The following PRMT8 variants were observed in gnomAD, a reference collection of about 807,000 sequenced individuals.
PRMT8 encodes protein arginine N-methyltransferase 8.
In PRMT8, 7 loss-of-function variants were observed where a neutral mutation model predicts 47.1. The observed-to-expected ratio is 0.15, with a 90% CI of 0.08 to 0.28. PRMT8 has a LOEUF of 0.28. Ranked by LOEUF, PRMT8 falls within the 10% of genes least tolerant of loss-of-function variation. The pLI is 1.00. For missense variants in PRMT8, 237 were observed against 505.4 expected, an observed-to-expected ratio of 0.47 and a Z score of 5.09; for synonymous variants, 188 against 186.5, an observed-to-expected ratio of 1.01 and a Z score of -0.07.
chr12:3,469,893 C>T (rs1264020449), intron 1 of PRMT8, among the ~76,000 whole-genome samples: 1 of 152,070 alleles, frequency 6.6e-6, no homozygotes, highest in East Asian at 1.9e-4. Context: ...GGGCTTCTGT[C>T]AGTGCCACCC....
chr12:3,457,460 G>A (rs1173919211), intron 1 of PRMT8, among the ~76,000 whole-genome samples: 2 of 151,782 alleles, frequency 1.3e-5, no homozygotes, highest in African/African-American at 4.8e-5. Context: ...AGGTGCATGC[G>A]CCACCACATC....
intron 4 of PRMT8, among the ~76,000 whole-genome samples, chr12:3,560,638 C>T (rs866344217): frequency 3.3e-5 from 5 of 152,190 alleles, no homozygotes; most frequent in Non-Finnish European, 5.9e-5. Flanking sequence ...ATGTATAACC[C>T]GTTTACTTCC....
At chr12:3,513,097 C>T (rs1016287041) in intron 1 of PRMT8, among the ~76,000 whole-genome samples, 4 of 152,126 alleles carry the variant, frequency 2.6e-5, no homozygotes, top group South Asian at 2.1e-4. Context: ...AGTTGCTCTG[C>T]GTCTACCATG....
At position 3,569,211 on chromosome 12, in the gene PRMT8, C is replaced by T; in HGVS notation, c.625-266C>T. On this transcript the variant is annotated intron_variant, in intron 5 of 9. Coordinates refer to ENST00000382622, the MANE Select transcript of PRMT8 (RefSeq NM_019854.5). The surrounding 1 kb of genome is among the most constrained non-coding windows in gnomAD (Gnocchi z 8.2). ...GGGCTTCTCCAGGCCAAAGTCGTAA[C>T]ATCTCTCACTGCTCCTCACTGGATT... 6.6e-6 allele frequency among the ~76,000 whole-genome samples: 1 copy of T among 152,242 alleles called. No individual in the cohort carries two copies. The highest frequency in any genetic ancestry group is 1.5e-5 in the Non-Finnish European group (1 of 68,046).
At chr12:3,386,975 TG>T (rs1864146615) in intron 1 of PRMT8, among the ~76,000 whole-genome samples, 1 of 152,184 alleles carries the variant, frequency 6.6e-6, no homozygotes, top group African/African-American at 2.4e-5. Context: ...CCCAAAGTGC[TG>T]GGATTACAGG....
chr12:3,593,476 C>T lies in PRMT8; in HGVS notation c.*294C>T, dbSNP rs551807677. ...GGGTGGAAACGTATTCGCGTCTCCC[C>T]GTCTCCTCCTTAACTGTGACTCTCC... On this transcript the variant is annotated 3_prime_UTR_variant, in exon 10 of 10. Coordinates refer to ENST00000382622, the MANE Select transcript of PRMT8 (RefSeq NM_019854.5). This position sits in a 1 kb window ranked among gnomAD's most constrained non-coding sequence, Gnocchi z 4.8. The T allele has an allele frequency of 9.5e-4, 378 of 399,156 alleles. 2 individuals carry two copies. Among genetic ancestry groups the T allele is most frequent in the Middle Eastern group, 7.9e-3 (11 of 1,388 alleles). The allele number at this position is 399,156 out of a possible 1,614,324, so 24.7% of individuals were successfully genotyped here. A position where few individuals can be genotyped will look rare whatever the true frequency, so the allele number is the denominator to read the frequency against.
chr12:3,481,199 G>C (rs1311372695), intron 1 of PRMT8, among the ~76,000 whole-genome samples: 2 of 152,206 alleles, frequency 1.3e-5, no homozygotes, highest in Non-Finnish European at 2.9e-5. Context: ...TACTATCTGA[G>C]AGCAGCCAGC....
intron 8 of PRMT8, among the ~76,000 whole-genome samples, chr12:3,588,513 A>G (rs780671725): frequency 6.6e-6 from 1 of 151,952 alleles, no homozygotes; most frequent in Non-Finnish European, 1.5e-5. Flanking sequence ...ACTTCTCACT[A>G]TTTGCCTGAA....
chr12:3,506,772 C>T (rs958496139), intron 1 of PRMT8, among the ~76,000 whole-genome samples: 1 of 152,178 alleles, frequency 6.6e-6, no homozygotes, highest in Non-Finnish European at 1.5e-5. Context: ...TCAGGCTTGA[C>T]ACACCACTCA....
chr12:3,572,241 C>CGAAGGAAG lies in PRMT8; in HGVS notation c.712+2693_712+2700dup, dbSNP rs563204054. ...CTAGGCTCACAATACATAATTTTAA[C>CGAAGGAAG]GAAGGAAGGAAGGAAGGAAGGAAAG... On this transcript the variant is annotated intron_variant, in intron 6 of 9. Transcript: ENST00000382622. The surrounding 1 kb of genome is among the most constrained non-coding windows in gnomAD (Gnocchi z 5.9). Among the ~76,000 whole-genome samples, 1 of 151,710 alleles carries CGAAGGAAG rather than the reference C, an allele frequency of 6.6e-6. No individual in the cohort carries two copies. Among genetic ancestry groups the CGAAGGAAG allele is most frequent in the African/African-American group, 2.4e-5 (1 of 41,266 alleles).
chr12:3,458,473 G>T (rs112055437), intron 1 of PRMT8, among the ~76,000 whole-genome samples: 7 of 152,300 alleles, frequency 4.6e-5, no homozygotes, highest in East Asian at 1.9e-4. Context: ...ACACCAGCCT[G>T]CCAGGGCCAC....
At chr12:3,509,672 G>C (rs943995954) in intron 1 of PRMT8, among the ~76,000 whole-genome samples, 4 of 152,190 alleles carry the variant, frequency 2.6e-5, no homozygotes, top group Non-Finnish European at 5.9e-5. Flanking sequence ...ATGAATATTT[G>C]TTGGTCCCGT....
chr12:3,569,588 G>T lies in PRMT8; in HGVS notation c.712+24G>T. ...CTGTAAGTCCCCTCTTGCTTCTCCGGTGGACTTCCACTGCACAATTGGGGT... is the reference window on the plus strand; with the variant it reads ...CTGTAAGTCCCCTCTTGCTTCTCCGTTGGACTTCCACTGCACAATTGGGGT... On this transcript the variant is annotated intron_variant, in intron 6 of 9. Transcript: ENST00000382622. The surrounding 1 kb of genome is among the most constrained non-coding windows in gnomAD (Gnocchi z 8.2). 6.3e-7 allele frequency: 1 copy of T among 1,599,758 alleles called. No individual in the cohort carries two copies.
intron 1 of PRMT8, among the ~76,000 whole-genome samples, chr12:3,527,873 T>G (rs957496847): frequency 6.6e-5 from 10 of 152,288 alleles, no homozygotes; most frequent in African/African-American, 1.7e-4. Flanking sequence ...TAAAAGACTT[T>G]ACTTTACCGT....
chr12:3,522,648 T>TAAAAA (rs57112104), intron 1 of PRMT8, among the ~76,000 whole-genome samples: 1 of 131,034 alleles, frequency 7.6e-6, no homozygotes, highest in African/African-American at 2.9e-5. Flanking sequence ...GAGACTCCAT[T>TAAAAA]AAAAAAAAAA....
intron 1 of PRMT8, among the ~76,000 whole-genome samples, chr12:3,387,097 C>T (rs1229079268): frequency 6.6e-6 from 1 of 152,082 alleles, no homozygotes; most frequent in African/African-American, 2.4e-5. Flanking sequence ...TTTTTGCATC[C>T]CAAGTGCCTG....
intron 6 of PRMT8, among the ~76,000 whole-genome samples, chr12:3,575,090 A>T: frequency 6.6e-6 from 1 of 152,192 alleles, no homozygotes; most frequent in East Asian, 1.9e-4. Flanking sequence ...GGGTGATTTA[A>T]TGGGATTTGA....
intron 1 of PRMT8, among the ~76,000 whole-genome samples, chr12:3,388,842 T>C (rs1177009581): frequency 2.6e-5 from 4 of 152,224 alleles, no homozygotes; most frequent in African/African-American, 9.6e-5. Flanking sequence ...ATTTATTTCG[T>C]CTCTCAAGTC....
At chr12:3,469,129 T>C (rs1453099426) in intron 1 of PRMT8, 6 of 492,486 alleles carry the variant, frequency 1.2e-5, no homozygotes, top group Non-Finnish European at 2.4e-5. Flanking sequence ...GAGTCTTCCA[T>C]GCCTATGTGC....
Sources: allele counts gnomAD v4.1 joint callset (sites outside exome capture counted in the v4.1 genomes callset), GRCh38; gene constraint gnomAD v4.1.1; non-coding constraint Gnocchi (gnomAD v3.1); transcripts MANE v1.5; gene names NCBI Gene and HGNC (gene_info 2026-07-23, HGNC 2026-07-21).